Variants in PPP2R2A observed in about 807,000 individuals in gnomAD.
PPP2R2A encodes protein phosphatase 2 regulatory subunit Balpha.
In PPP2R2A, 9 loss-of-function variants were observed where a neutral mutation model predicts 53.2. The observed-to-expected ratio is 0.17, with a 90% CI of 0.10 to 0.30. PPP2R2A has a LOEUF of 0.30. PPP2R2A is among the 10% of genes least tolerant of loss of function. The pLI is 1.00. For synonymous variants in PPP2R2A, 169 were observed against 174.2 expected (o/e 0.97, Z 0.23); for missense variants, 235 against 534.6 (o/e 0.44, Z 5.53).
chr8:26,320,650 T>C (rs1404102832), intron 2 of PPP2R2A, among the ~76,000 whole-genome samples: 1 of 152,208 alleles, frequency 6.6e-6, no homozygotes, highest in African/African-American at 2.4e-5. Context: ...CAGCTGTGTC[T>C]CCCTGCCTTT....
chr8:26,368,815 C>CAT (rs1331494720), intron 9 of PPP2R2A, among the ~76,000 whole-genome samples: 2 of 151,900 alleles, frequency 1.3e-5, no homozygotes, highest in Non-Finnish European at 2.9e-5. Context: ...TTGAAAAATA[C>CAT]ATATATATAG....
intron 2 of PPP2R2A, among the ~76,000 whole-genome samples, chr8:26,309,764 A>G (rs751659602): frequency 2.6e-4 from 40 of 152,136 alleles, no homozygotes; most frequent in Non-Finnish European, 4.7e-4. Flanking sequence ...GGAGAGAGAG[A>G]GGGGAACTGC....
chr8:26,358,044 A>G (rs903431529), intron 4 of PPP2R2A, among the ~76,000 whole-genome samples: 8 of 152,132 alleles, frequency 5.3e-5, no homozygotes, highest in Admixed American at 3.3e-4. Context: ...TGTCATATTT[A>G]TTAACATACT....
intron 2 of PPP2R2A, among the ~76,000 whole-genome samples, chr8:26,323,057 G>T (rs1293142716): frequency 6.6e-6 from 1 of 152,162 alleles, no homozygotes; most frequent in Non-Finnish European, 1.5e-5. Context: ...CTCACTAGAA[G>T]TTCCTGTGCA....
At chr8:26,326,245 G>T (rs1585359174) in intron 2 of PPP2R2A, among the ~76,000 whole-genome samples, 1 of 152,152 alleles carries the variant, frequency 6.6e-6, no homozygotes, top group East Asian at 1.9e-4. Flanking sequence ...ACTCCAGGTT[G>T]GTCTCCAGTT....
intron 2 of PPP2R2A, among the ~76,000 whole-genome samples, chr8:26,322,100 A>G (rs1266974246): frequency 6.6e-6 from 1 of 152,226 alleles, no homozygotes; most frequent in Non-Finnish European, 1.5e-5. Flanking sequence ...TGCAGGAAAC[A>G]AGAGAAACTG....
intron 7 of PPP2R2A, 113 bp from the exon 8 acceptor site, chr8:26,363,608 T>C (rs1585411531): frequency 2.2e-6 from 2 of 911,416 alleles, no homozygotes; most frequent in East Asian, 2.8e-5. Context: ...TTTATTAGCC[T>C]GGCATTTTAC....
chr8:26,293,683 G>A lies in PPP2R2A; in HGVS notation c.25G>A (p.Asp9Asn). The change falls in exon 2 of 10, where the codon GAT becomes AAT. Residue 9 changes from aspartate to asparagine, a missense_variant. Coordinates refer to ENST00000380737, the MANE Select transcript of PPP2R2A (RefSeq NM_002717.4). ...TTTTCCAGGAGCTGGAGGAGGGAAT[G>A]ATATTCAGTGGTGTTTTTCTCAGGT... MAGAGGGNDIQWCFSQVKG... is the reference protein window; with the variant it reads MAGAGGGNNIQWCFSQVKG... The A allele has an allele frequency of 3.7e-6, 6 of 1,612,916 alleles. No individual in the cohort carries two copies. Among genetic ancestry groups the A allele is most frequent in the Non-Finnish European group, 5.1e-6 (6 of 1,179,558 alleles).
At chr8:26,351,065 C>A (rs1182279581) in intron 3 of PPP2R2A, among the ~76,000 whole-genome samples, 1 of 152,064 alleles carries the variant, frequency 6.6e-6, no homozygotes. Flanking sequence ...CTTGCCTTTT[C>A]ATTTTTTTGA....
At chr8:26,348,611 C>T (rs963605434) in intron 3 of PPP2R2A, among the ~76,000 whole-genome samples, 4 of 152,090 alleles carry the variant, frequency 2.6e-5, no homozygotes, top group Non-Finnish European at 5.9e-5. Flanking sequence ...AAATCTGAAA[C>T]ACTTCTGGTC....
At chr8:26,366,069 G>A (rs1270098934) in intron 8 of PPP2R2A, 1 of 392,532 alleles carries the variant, frequency 2.5e-6, no homozygotes, top group Non-Finnish European at 4.5e-6. Flanking sequence ...GCTTATAAAG[G>A]CTATGTGTGC....
At chr8:26,325,103 G>C (rs1224621839) in intron 2 of PPP2R2A, among the ~76,000 whole-genome samples, 1 of 151,078 alleles carries the variant, frequency 6.6e-6, no homozygotes, top group African/African-American at 2.4e-5. Context: ...AGGCATGATT[G>C]GTTTTAAAAT....
chr8:26,300,674 T>G (rs1474710751), intron 2 of PPP2R2A, among the ~76,000 whole-genome samples: 4 of 152,046 alleles, frequency 2.6e-5, no homozygotes, highest in African/African-American at 7.2e-5. Flanking sequence ...GCCAATATGG[T>G]GAAACACTGT....
At chr8:26,361,976 T>G (rs932434869) in intron 6 of PPP2R2A, among the ~76,000 whole-genome samples, 3 of 148,320 alleles carry the variant, frequency 2.0e-5, no homozygotes, top group Admixed American at 2.0e-4. Flanking sequence ...AATATATATA[T>G]ATAGATTTAT....
intron 2 of PPP2R2A, among the ~76,000 whole-genome samples, chr8:26,323,246 GCTGA>G (rs1478225495): frequency 3.3e-5 from 5 of 152,142 alleles, no homozygotes; most frequent in African/African-American, 4.8e-5. Context: ...GATCAATCTA[GCTGA>G]CTATGTAGAA....
intron 2 of PPP2R2A, among the ~76,000 whole-genome samples, chr8:26,313,121 CCTCTTGGATTCAAGTGATT>C (rs1280728506): frequency 6.6e-6 from 1 of 151,624 alleles, no homozygotes; most frequent in Non-Finnish European, 1.5e-5. Context: ...GCAGCCTCCA[CCTCTTGGATTCAAGTGATT>C]CTCCTGCCTC....
intron 2 of PPP2R2A, among the ~76,000 whole-genome samples, chr8:26,320,105 T>G (rs1802763014): frequency 6.6e-6 from 1 of 152,220 alleles, no homozygotes; most frequent in Non-Finnish European, 1.5e-5. Context: ...GGAAATCTGG[T>G]GAGATCAGGT....
chr8:26,370,065 C>T lies in PPP2R2A; in HGVS notation c.1065-69C>T, dbSNP rs1247601950. ...AAGTAGCTTCCTATGGTTTAATTGCCGAATCATTTTACTTGAAAACAATTT... is the reference window on the plus strand; with the variant it reads ...AAGTAGCTTCCTATGGTTTAATTGCTGAATCATTTTACTTGAAAACAATTT... On this transcript the variant is annotated intron_variant, in intron 9 of 9. Transcript: ENST00000380737. The surrounding 1 kb of genome is among the most constrained non-coding windows in gnomAD (Gnocchi z 6.1). The T allele has an allele frequency of 7.3e-6, 11 of 1,500,718 alleles. No homozygotes were observed. The East Asian group carries it at 9.1e-5, about 12-fold the overall frequency. 93.0% of individuals were successfully genotyped at this position (1,500,718 alleles called of 1,614,324 possible).
At chr8:26,294,143 T>C (rs1401210588) in intron 2 of PPP2R2A, among the ~76,000 whole-genome samples, 1 of 152,248 alleles carries the variant, frequency 6.6e-6, no homozygotes, top group East Asian at 1.9e-4. Flanking sequence ...AGAAACATTC[T>C]TAACGGCATC....
Sources: gnomAD v4.1 joint callset for allele counts (sites outside exome capture counted in the v4.1 genomes callset) on GRCh38, gnomAD v4.1.1 for gene constraint, Gnocchi (gnomAD v3.1) non-coding constraint, MANE v1.5 for transcripts, NCBI Gene and HGNC (gene_info 2026-07-23, HGNC 2026-07-21) for gene names.